The following C8orf34 variants were observed in gnomAD, a reference collection of about 807,000 sequenced individuals.
C8orf34 encodes the protein uncharacterized protein C8orf34.
In C8orf34, 65 loss-of-function variants were observed where a neutral mutation model predicts 68.3. The ratio of observed to expected loss-of-function variants is 0.95; its 90% CI spans 0.78 to 1.17. C8orf34 has a LOEUF of 1.17. C8orf34 is among the 50% of genes most tolerant of loss of function. C8orf34 has a pLI of 0.00. For synonymous variants in C8orf34, 244 were observed against 241.2 expected (o/e 1.01, Z -0.11); for missense variants, 664 against 655.4 (o/e 1.01, Z -0.14).
chr8:68,731,680 A>C (rs1004912293), intron 10 of C8orf34, among the ~76,000 whole-genome samples: 1 of 152,234 alleles, frequency 6.6e-6, no homozygotes, highest in African/African-American at 2.4e-5. Flanking sequence ...ATATTCTTAC[A>C]TAAAACTATC....
rs541824584 is a variant in C8orf34 at position 68,713,238 on chromosome 8, A to G, written c.1327+4159A>G. Among the ~76,000 whole-genome samples the G allele has an allele frequency of 2.0e-5, 3 of 152,210 alleles. No individual in the cohort carries two copies. The South Asian group carries it at 6.2e-4, about 32-fold the overall frequency. On this transcript the variant is annotated intron_variant, in intron 9 of 13. Coordinates refer to ENST00000518698, the MANE Select transcript of C8orf34 (RefSeq NM_052958.4). ...AAGAAGTCTGAAAGAGCACAAATAG[A>G]TAATCTAAGGTCATACCTCCTACCT... is the stretch of plus-strand genomic sequence containing the variant.
intron 1 of C8orf34, among the ~76,000 whole-genome samples, chr8:68,432,565 C>G (rs887516476): frequency 2.0e-5 from 3 of 152,072 alleles, no homozygotes; most frequent in Non-Finnish European, 2.9e-5. Flanking sequence ...ATCTTGGCCT[C>G]CAGTAGTGCT....
In C8orf34 at chr8:68,616,018, G is replaced by A. The variant is rs564095841; in HGVS notation, c.1106-24358G>A. ...TAAACTTCTTCCTGGTTTAGTCTTG[G>A]GAGGGTGTACGTGTCGAGGAATTTA... is the stretch of plus-strand genomic sequence containing the variant. On this transcript the variant is annotated intron_variant, in intron 7 of 13. Transcript: ENST00000518698. 3.0e-3 allele frequency among the ~76,000 whole-genome samples: 456 copies of A among 151,180 alleles called. 3 individuals carry two copies. The highest frequency in any genetic ancestry group is 0.027 in the Middle Eastern group (8 of 292).
intron 8 of C8orf34, among the ~76,000 whole-genome samples, chr8:68,685,461 G>A (rs184078539): frequency 1.1e-4 from 16 of 152,132 alleles, no homozygotes; most frequent in East Asian, 3.9e-4. Context: ...AAAATTGTCC[G>A]TGTATAAATC....
intron 1 of C8orf34, among the ~76,000 whole-genome samples, chr8:68,420,258 C>T (rs1026767150): frequency 6.6e-6 from 1 of 151,320 alleles, no homozygotes; most frequent in African/African-American, 2.4e-5. Context: ...CCAGCAACTG[C>T]CCTGCTCTTT....
At chr8:68,424,274 T>C (rs891235202) in intron 1 of C8orf34, among the ~76,000 whole-genome samples, 1 of 152,090 alleles carries the variant, frequency 6.6e-6, no homozygotes, top group Non-Finnish European at 1.5e-5. Context: ...CAAGCTGTCA[T>C]TGAAACTAAA....
intron 8 of C8orf34, among the ~76,000 whole-genome samples, chr8:68,684,154 C>T (rs1820446821): frequency 6.6e-6 from 1 of 152,092 alleles, no homozygotes; most frequent in Non-Finnish European, 1.5e-5. Context: ...CAACTGGACC[C>T]TGTTTATTTA....
intron 5 of C8orf34, among the ~76,000 whole-genome samples, chr8:68,521,417 A>C (rs951386796): frequency 6.6e-5 from 10 of 151,986 alleles, no homozygotes; most frequent in Admixed American, 4.6e-4. Flanking sequence ...CCTGACCCCA[A>C]CCCAGTTTCT....
rs985293654 is a variant in C8orf34, at chr8:68,428,070, A to G, written c.328-11429A>G. On this transcript the variant is annotated intron_variant, in intron 1 of 13. Transcript: ENST00000518698. The stretch of plus-strand genomic sequence containing the variant: ...GATGTTCTTTAAAGAAATATAGCTG[A>G]TTTCTCAAAAAAAGGAAACAAAAGA... Among the ~76,000 whole-genome samples the G allele has an allele frequency of 2.6e-5, 4 of 151,276 alleles. No individual in the cohort carries two copies. In the South Asian group the frequency reaches 8.3e-4, roughly 31 times the overall value.
chr8:68,441,898 T>G (rs1485431366), intron 2 of C8orf34, among the ~76,000 whole-genome samples: 8 of 152,192 alleles, frequency 5.3e-5, no homozygotes, highest in Admixed American at 3.9e-4. Context: ...CTATCAGTTC[T>G]CTTAGTACCT....
rs543804131 is a variant in C8orf34 at position 68,806,434 on chromosome 8, GT to G, written c.1550-9444del. Among the ~76,000 whole-genome samples, 415 of 151,704 alleles carry G rather than the reference GT, an allele frequency of 2.7e-3. 1 individual carries two copies. Among genetic ancestry groups the G allele is most frequent in the Admixed American group, 4.0e-3 (61 of 15,226 alleles). On this transcript the variant is annotated intron_variant, in intron 12 of 13. Coordinates refer to ENST00000518698, the MANE Select transcript of C8orf34 (RefSeq NM_052958.4). Reference sequence around the variant, plus strand: ...TTCACTGAGTATAAAAATCAAGAAAGTTTTTTTTCTTTCAGCACGTCAAAGA... The same window carrying G: ...TTCACTGAGTATAAAAATCAAGAAAGTTTTTTTCTTTCAGCACGTCAAAGA...
intron 10 of C8orf34, among the ~76,000 whole-genome samples, chr8:68,766,067 G>GTC (rs1823163927): frequency 6.6e-6 from 1 of 152,182 alleles, no homozygotes; most frequent in Non-Finnish European, 1.5e-5. Context: ...GTAATTACTT[G>GTC]TGTCCATGCA....
At chr8:68,644,236 G>C (rs1819099988) in intron 8 of C8orf34, among the ~76,000 whole-genome samples, 1 of 152,180 alleles carries the variant, frequency 6.6e-6, no homozygotes, top group Non-Finnish European at 1.5e-5. Context: ...CTTCATAGGG[G>C]AGAGGGTAAG....
In C8orf34 at chr8:68,776,462, G is replaced by A. The variant is rs755375900; in HGVS notation, c.1455+13G>A. 1 of 1,607,770 alleles carries A rather than the reference G, an allele frequency of 6.2e-7. No individual in the cohort carries two copies. Among genetic ancestry groups the A allele is most frequent in the African/African-American group, 1.3e-5 (1 of 74,742 alleles). On this transcript the variant is annotated intron_variant, in intron 11 of 13. Coordinates refer to ENST00000518698, the MANE Select transcript of C8orf34 (RefSeq NM_052958.4). ...CTACATGGAAGAAGTGAGTTTTAAG[G>A]TTGCTTTATAATGTAGTCTGAAATC...
intron 1 of C8orf34, among the ~76,000 whole-genome samples, chr8:68,433,365 A>G (rs904139490): frequency 1.3e-5 from 2 of 152,164 alleles, no homozygotes; most frequent in East Asian, 3.8e-4. Flanking sequence ...TCTGATTGGT[A>G]CCACCTCCAT....
At chr8:68,379,406 T>C (rs1026811940) in intron 1 of C8orf34, among the ~76,000 whole-genome samples, 1 of 152,212 alleles carries the variant, frequency 6.6e-6, no homozygotes, top group African/African-American at 2.4e-5. Context: ...TCTAATGTAG[T>C]TTCACATTCC....
chr8:68,411,479 A>G (rs1004711617), intron 1 of C8orf34, among the ~76,000 whole-genome samples: 4 of 152,202 alleles, frequency 2.6e-5, no homozygotes, highest in Non-Finnish European at 5.9e-5. Flanking sequence ...AGTGAACTCA[A>G]TTTGGACTCA....
intron 10 of C8orf34, among the ~76,000 whole-genome samples, chr8:68,740,857 A>T (rs1360478346): frequency 6.6e-6 from 1 of 152,226 alleles, no homozygotes; most frequent in Non-Finnish European, 1.5e-5. Flanking sequence ...AGACTGGATA[A>T]AGCAAATGTG....
intron 8 of C8orf34, among the ~76,000 whole-genome samples, chr8:68,675,131 A>G (rs1243276499): frequency 2.6e-5 from 4 of 152,196 alleles, no homozygotes; most frequent in Non-Finnish European, 4.4e-5. Flanking sequence ...TCAACACCAG[A>G]CCTGTTCCAC....
Sources: allele counts gnomAD v4.1 joint callset (sites outside exome capture counted in the v4.1 genomes callset), GRCh38; gene constraint gnomAD v4.1.1; transcripts MANE v1.5; gene names NCBI Gene and HGNC (gene_info 2026-07-23, HGNC 2026-07-21).